Variants in RAB3C observed in about 807,000 individuals in gnomAD.
RAB3C encodes the protein ras-related protein Rab-3C.
A neutral mutation model predicts 26.4 loss-of-function variants in RAB3C; 17 were observed. That is an observed-to-expected ratio of 0.64 (90% confidence interval 0.44 to 0.97). The LOEUF (loss-of-function observed/expected upper bound fraction) is 0.97. RAB3C is among the 50% of genes least tolerant of loss of function. The pLI is 0.00. For synonymous variants in RAB3C, 91 were observed against 95.9 expected (o/e 0.95, Z 0.30); for missense variants, 242 against 281.9 (o/e 0.86, Z 1.01).
intron 2 of RAB3C, among the ~76,000 whole-genome samples, chr5:58,708,288 C>G (rs1748989405): frequency 6.6e-6 from 1 of 152,186 alleles, no homozygotes; most frequent in African/African-American, 2.4e-5. Context: ...CCATGCCTGG[C>G]CCATTCCTTC....
intron 3 of RAB3C, among the ~76,000 whole-genome samples, chr5:58,753,002 T>C (rs1197273197): frequency 6.6e-6 from 1 of 151,752 alleles, no homozygotes; most frequent in African/African-American, 2.4e-5. Context: ...CCTTAAAGAA[T>C]GAAAAGGAAT....
intron 2 of RAB3C, among the ~76,000 whole-genome samples, chr5:58,656,096 T>C (rs992240170): frequency 2.2e-4 from 33 of 152,186 alleles, no homozygotes; most frequent in African/African-American, 7.7e-4. Context: ...TAAACCTAAC[T>C]CTTACATGGT....
At chr5:58,744,150 T>C (rs7720815) in intron 3 of RAB3C, among the ~76,000 whole-genome samples, 66,072 of 152,054 alleles carry the variant, frequency 0.43, 15,866 homozygotes, top group African/African-American at 0.65. Context: ...AAGGACAAGA[T>C]CTGCAGTGGA....
chr5:58,695,066 C>A (rs1177864099), intron 2 of RAB3C, among the ~76,000 whole-genome samples: 1 of 152,116 alleles, frequency 6.6e-6, no homozygotes, highest in African/African-American at 2.4e-5. Context: ...GGTTTTAGGT[C>A]TAACATTTAA....
intron 2 of RAB3C, among the ~76,000 whole-genome samples, chr5:58,690,120 A>G (rs1748537560): frequency 6.6e-6 from 1 of 152,166 alleles, no homozygotes; most frequent in African/African-American, 2.4e-5. Context: ...GGTTATTGAG[A>G]AGCAACAGGA....
At chr5:58,663,348 A>G (rs1747943279) in intron 2 of RAB3C, among the ~76,000 whole-genome samples, 1 of 150,252 alleles carries the variant, frequency 6.7e-6, no homozygotes, top group Non-Finnish European at 1.5e-5. Flanking sequence ...TATAAAATTC[A>G]TACCAATTCA....
intron 3 of RAB3C, among the ~76,000 whole-genome samples, chr5:58,783,177 T>C (rs930808212): frequency 3.3e-5 from 5 of 152,178 alleles, no homozygotes; most frequent in African/African-American, 1.2e-4. Flanking sequence ...CACATAAATA[T>C]ACGCTTATAA....
chr5:58,632,906 A>G (rs1366089242), intron 2 of RAB3C, among the ~76,000 whole-genome samples: 1 of 152,128 alleles, frequency 6.6e-6, no homozygotes, highest in Non-Finnish European at 1.5e-5. Context: ...TAGCTATTGA[A>G]GTTTAGAAGC....
intron 1 of RAB3C, 22 bp from the exon 2 acceptor site, chr5:58,617,621 T>C (rs1260873501): frequency 6.3e-7 from 1 of 1,584,480 alleles, no homozygotes; most frequent in Non-Finnish European, 8.7e-7. Context: ...TTTGTTTTTG[T>C]TTTGTTTTGT....
In RAB3C at chr5:58,735,730, C is replaced by T. The variant is rs1741118707; in HGVS notation, c.371+9610C>T. The stretch of plus-strand genomic sequence containing the variant: ...AAGTAAGATTAGGAGGCCCTACTGA[C>T]TTGCCCCCTTGGGAAGCCCGGTGGG... On this transcript the variant is annotated intron_variant, in intron 3 of 4. Transcript: ENST00000282878. 2.0e-5 allele frequency among the ~76,000 whole-genome samples: 3 copies of T among 152,186 alleles called. No individual in the cohort carries two copies. The South Asian group carries it at 6.2e-4, about 32-fold the overall frequency.
intron 3 of RAB3C, among the ~76,000 whole-genome samples, chr5:58,810,227 G>A (rs1323582974): frequency 1.3e-5 from 2 of 152,278 alleles, no homozygotes; most frequent in East Asian, 3.9e-4. Flanking sequence ...CAGACTGCAA[G>A]GATCAGCCTC....
chr5:58,828,272 T>C (rs901389147), intron 4 of RAB3C, among the ~76,000 whole-genome samples: 4 of 152,232 alleles, frequency 2.6e-5, no homozygotes, highest in Non-Finnish European at 5.9e-5. Flanking sequence ...AAAGAATATT[T>C]TTCTGGCTTT....
At chr5:58,794,664 A>G (rs918639232) in intron 3 of RAB3C, 2 of 152,240 alleles carry the variant, frequency 1.3e-5, no homozygotes, top group Non-Finnish European at 2.9e-5. Context: ...AGTGTTAAGT[A>G]TTATAGACAA....
chr5:58,676,949 A>G (rs1208763790), intron 2 of RAB3C, among the ~76,000 whole-genome samples: 2 of 152,136 alleles, frequency 1.3e-5, no homozygotes, highest in Admixed American at 6.6e-5. Context: ...AGTACCATGA[A>G]CTGGGTGACT....
intron 4 of RAB3C, among the ~76,000 whole-genome samples, chr5:58,829,594 TGAG>T (rs1412262065): frequency 6.6e-6 from 1 of 152,210 alleles, no homozygotes; most frequent in Non-Finnish European, 1.5e-5. Flanking sequence ...TAATTGCTTC[TGAG>T]GAGAAGTCAT....
At chr5:58,728,336 T>A (rs1178423756) in intron 3 of RAB3C, among the ~76,000 whole-genome samples, 1 of 152,042 alleles carries the variant, frequency 6.6e-6, no homozygotes, top group Non-Finnish European at 1.5e-5. Flanking sequence ...TTTTATTTCT[T>A]CCTCTTTTAC....
chr5:58,616,257 A>G (rs1471368454), intron 1 of RAB3C, among the ~76,000 whole-genome samples: 1 of 152,198 alleles, frequency 6.6e-6, no homozygotes, highest in Non-Finnish European at 1.5e-5. Flanking sequence ...GCCATTAGTC[A>G]TATGCTGCTA....
chr5:58,719,959 T>C (rs1277016311), intron 2 of RAB3C, among the ~76,000 whole-genome samples: 1 of 151,946 alleles, frequency 6.6e-6, no homozygotes, highest in African/African-American at 2.4e-5. Flanking sequence ...CTCATTTAAT[T>C]TGGTTACATC....
intron 1 of RAB3C, among the ~76,000 whole-genome samples, chr5:58,604,104 C>T (rs988408088): frequency 1.3e-5 from 2 of 152,226 alleles, no homozygotes; most frequent in Non-Finnish European, 2.9e-5. Flanking sequence ...CCCAGCCAGT[C>T]TACCTGGCTC....
Sources: gnomAD v4.1 joint callset for allele counts (sites outside exome capture counted in the v4.1 genomes callset) on GRCh38, gnomAD v4.1.1 for gene constraint, MANE v1.5 for transcripts, NCBI Gene and HGNC (gene_info 2026-07-23, HGNC 2026-07-21) for gene names.